LTBP4: variants seen among roughly 807,000 people sequenced by gnomAD.
The protein encoded by LTBP4 is latent transforming growth factor beta binding protein 4, also known as latent-transforming growth factor beta-binding protein 4.
LTBP4 carries 93 observed loss-of-function variants against 180.2 expected under a neutral mutation model. The ratio of observed to expected loss-of-function variants is 0.52; its 90% CI spans 0.44 to 0.61. The LOEUF (loss-of-function observed/expected upper bound fraction) is 0.61. LTBP4 is among the 20% of genes least tolerant of loss of function. LTBP4 has a pLI of 0.00. For missense variants in LTBP4, 2,116 were observed against 2,256.5 expected (o/e 0.94, Z 1.26); for synonymous variants, 947 against 934.5 (o/e 1.01, Z -0.24).
upstream of LTBP4, among the ~76,000 whole-genome samples, chr19:40,597,908 G>C (rs1486931492): frequency 6.6e-6 from 1 of 151,842 alleles, no homozygotes; most frequent in Admixed American, 6.6e-5. Flanking sequence ...GGAGGGGCTT[G>C]TGGGGAGTGG....
At chr19:40,595,511 C>G in intron 1 of LTBP4, among the ~76,000 whole-genome samples, 1 of 151,980 alleles carries the variant, frequency 6.6e-6, no homozygotes, top group Non-Finnish European at 1.5e-5. Flanking sequence ...TATTGCCATC[C>G]CCAGAGGGTA....
chr19:40,613,105 C>T lies in LTBP4; in HGVS notation c.2340C>T (p.Pro780=), dbSNP rs543981793. The T allele has an allele frequency of 1.2e-6, 2 of 1,609,164 alleles. No individual in the cohort carries two copies. Among genetic ancestry groups the T allele is most frequent in the Non-Finnish European group, 1.7e-6 (2 of 1,177,922 alleles). ...GTTCGGGTGCCCCTCCCTGTGGTCC[C>T]CACGGCCACTGCACTAACACCGAAG... The part of the protein sequence containing the change: ...ECSSGAPPCG[P]HGHCTNTEGS... The change falls in exon 16 of 30, where the codon CCC becomes CCT. Residue 780 remains proline, a synonymous_variant. Coordinates refer to ENST00000396819, the MANE Select transcript of LTBP4 (RefSeq NM_001042545.2). This position sits in a 1 kb window ranked among gnomAD's most constrained non-coding sequence, Gnocchi z 5.0.
At chr19:40,624,389 T>G (rs1201285291) in intron 26 of LTBP4, among the ~76,000 whole-genome samples, 1 of 152,226 alleles carries the variant, frequency 6.6e-6, no homozygotes, top group Admixed American at 6.5e-5. Flanking sequence ...GAATTTTATT[T>G]AATTTTATTT....
At chr19:40,612,332 TGACCTG>T (rs1433112270) in intron 15 of LTBP4, 140 bp downstream of exon 15, 3 of 1,169,706 alleles carry the variant, frequency 2.6e-6, no homozygotes, top group African/African-American at 3.1e-5. Context: ...CTCCTGACCC[TGACCTG>T]GACCACAACT....
At position 40,611,210 on chromosome 19, in the gene LTBP4, G is replaced by T; in HGVS notation, c.1869G>T (p.Leu623=). ...GTGGCCGAGGGGCCTGCAAGAACCTGCCTGGCTCTTTCCGCTGTGTTTGCC... is the reference window on the plus strand; with the variant it reads ...GTGGCCGAGGGGCCTGCAAGAACCTTCCTGGCTCTTTCCGCTGTGTTTGCC... ...GLCGRGACKN[L]PGSFRCVCPA... is the part of the protein sequence containing the mutation. The change falls in exon 13 of 30, where the codon CTG becomes CTT. Residue 623 remains leucine, a synonymous_variant. Coordinates refer to ENST00000396819, the MANE Select transcript of LTBP4 (RefSeq NM_001042545.2). The surrounding 1 kb of genome is among the most constrained non-coding windows in gnomAD (Gnocchi z 4.4). 2 of 1,613,866 alleles carry T rather than the reference G, an allele frequency of 1.2e-6. No homozygotes were observed. Among genetic ancestry groups the T allele is most frequent in the Non-Finnish European group, 1.7e-6 (2 of 1,179,848 alleles).
rs1416974251 is a variant in LTBP4, at chr19:40,605,099, C to G, written c.315C>G (p.Pro105=). The G allele has an allele frequency of 6.2e-7, 1 of 1,613,922 alleles. No homozygotes were observed. The highest frequency in any genetic ancestry group is 8.5e-7 in the Non-Finnish European group (1 of 1,179,868). The change falls in exon 2 of 30, where the codon CCC becomes CCG. Residue 105 remains proline (P), a synonymous_variant. Coordinates refer to ENST00000396819, the MANE Select transcript of LTBP4 (RefSeq NM_001042545.2). The surrounding 1 kb of genome is among the most constrained non-coding windows in gnomAD (Gnocchi z 5.5). ...VCVKPDRCLC[P]PDFAGKFCQL... is the part of the protein sequence containing the mutation. ...TGAAGCCTGACCGCTGCCTCTGTCC[C>G]CCGGACTTCGCTGGCAAGTTCTGCC...
chr19:40,624,184 C>G, intron 26 of LTBP4, 102 bp downstream of exon 26: 1 of 1,344,464 alleles, frequency 7.4e-7, no homozygotes, highest in South Asian at 1.5e-5. Context: ...GAAGGCCACG[C>G]CCCATGCTCC....
upstream of LTBP4, chr19:40,599,811 C>T (rs530602119): frequency 6.1e-5 from 35 of 573,830 alleles, 1 homozygote; most frequent in South Asian, 6.8e-4. Flanking sequence ...CTCTCTTTCT[C>T]CCTGTGTCTC....
rs10402565 is a variant in LTBP4, at chr19:40,616,162, C to A, written c.2813-727C>A. ...TTATCAACTATGCTAGGTGTGGTGGCACAAGCTTGTAATCCCAGCTACTCA... is the reference window on the plus strand; with the variant it reads ...TTATCAACTATGCTAGGTGTGGTGGAACAAGCTTGTAATCCCAGCTACTCA... On this transcript the variant is annotated intron_variant, in intron 19 of 29. Transcript: ENST00000396819. Among the ~76,000 whole-genome samples the A allele has an allele frequency of 4.0e-3, 604 of 152,062 alleles. 3 individuals are homozygous for A. The highest frequency in any genetic ancestry group is 0.014 in the African/African-American group (578 of 41,456).
At chr19:40,606,940 A>G (rs1156624893) in intron 6 of LTBP4, among the ~76,000 whole-genome samples, 2 of 152,136 alleles carry the variant, frequency 1.3e-5, no homozygotes, top group African/African-American at 4.8e-5. Flanking sequence ...TGGTAGAGAC[A>G]GGGTTTCGCC....
chr19:40,629,575 C>T lies in LTBP4; in HGVS notation c.*25C>T, dbSNP rs1284761820. On this transcript the variant is annotated 3_prime_UTR_variant, in exon 30 of 30. Transcript: ENST00000396819. This position sits in a 1 kb window ranked among gnomAD's most constrained non-coding sequence, Gnocchi z 4.5. Reference sequence around the variant, plus strand: ...AGCCCTGGCACCCGCTGGCCGCCCACCCGCGCCCGCCACTCGGGGCCCCTG... The same window carrying T: ...AGCCCTGGCACCCGCTGGCCGCCCATCCGCGCCCGCCACTCGGGGCCCCTG... The T allele has an allele frequency of 1.2e-5, 16 of 1,353,656 alleles. No individual in the cohort carries two copies. Among genetic ancestry groups the T allele is most frequent in the East Asian group, 3.1e-5 (1 of 32,016 alleles). 83.9% of individuals were successfully genotyped at this position (1,353,656 alleles called of 1,614,324 possible).
At position 40,609,834 on chromosome 19, in the gene LTBP4, G is replaced by C. The variant is rs754848063; in HGVS notation, c.1647G>C (p.Pro549=). The C allele has an allele frequency of 4.4e-6, 7 of 1,598,200 alleles. No individual in the cohort carries two copies. The Admixed American group carries it at 6.8e-5, about 16-fold the overall frequency. ...GCAGCTTCCGCTGCGTGTGCGGCCC[G>C]GGCTTCCGAGCCGGCCCACGGGCTG... The part of the protein sequence containing the change: ...SPGSFRCVCG[P]GFRAGPRAAE... The change falls in exon 11 of 30, where the codon CCG becomes CCC. Residue 549 remains proline, a synonymous_variant. Transcript: ENST00000396819. The surrounding 1 kb of genome is among the most constrained non-coding windows in gnomAD (Gnocchi z 4.9).
rs187991012 is a variant in LTBP4, at chr19:40,604,844, A to G, written c.251-191A>G. Reference sequence around the variant, plus strand: ...CAATAGAGCGAGATCCTGCCGACTTAGTGGGTGGGACCGTACCTCTGATGG... The same window carrying G: ...CAATAGAGCGAGATCCTGCCGACTTGGTGGGTGGGACCGTACCTCTGATGG... On this transcript the variant is annotated intron_variant, in intron 1 of 29. Transcript: ENST00000396819. Among the ~76,000 whole-genome samples, 390 of 152,288 alleles carry G rather than the reference A, an allele frequency of 2.6e-3. 1 individual carries two copies. Among genetic ancestry groups the G allele is most frequent in the Non-Finnish European group, 4.8e-3 (327 of 68,008 alleles).
upstream of LTBP4, among the ~76,000 whole-genome samples, chr19:40,596,815 C>G (rs111905623): frequency 6.6e-6 from 1 of 152,022 alleles, no homozygotes; most frequent in Non-Finnish European, 1.5e-5. Context: ...ACCGAATTCT[C>G]CCAGAACTGG....
Position 40,613,315 on chromosome 19 carries a change from A to C in LTBP4, c.2432-89A>C, listed in dbSNP as rs569910924. 7.1e-6 allele frequency: 11 copies of C among 1,549,458 alleles called. No individual in the cohort carries two copies. The highest frequency in any genetic ancestry group is 3.9e-5 in the Admixed American group (2 of 51,648). ...TGTGGGAGGAGCTTAGAAACCTGGC[A>C]TTGGTGGGGGCGGGGTTACTGCGAT... On this transcript the variant is annotated intron_variant, in intron 16 of 29. Transcript: ENST00000396819. This position sits in a 1 kb window ranked among gnomAD's most constrained non-coding sequence, Gnocchi z 5.0.
intron 18 of LTBP4, 56 bp from the exon 19 acceptor site, chr19:40,614,259 A>G (rs2081530786): frequency 1.9e-6 from 3 of 1,567,982 alleles, no homozygotes. Context: ...CCCTCTTTGT[A>G]TCCCCCATCT....
chr19:40,611,965 T>A lies in LTBP4; in HGVS notation c.2160T>A (p.Thr720=), dbSNP rs578204135. The A allele has an allele frequency of 1.2e-5, 19 of 1,611,830 alleles. No individual in the cohort carries two copies. The East Asian group carries it at 4.2e-4, about 36-fold the overall frequency. The part of the protein sequence containing the change: ...CVCPMGFQPN[T]AGSECEDVDE... ...GCCCCATGGGCTTCCAACCCAACACTGCTGGCTCCGAGTGCGAGGGTGAGG... is the reference window on the plus strand; with the variant it reads ...GCCCCATGGGCTTCCAACCCAACACAGCTGGCTCCGAGTGCGAGGGTGAGG... The change falls in exon 14 of 30, where the codon ACT becomes ACA. Residue 720 remains threonine (T), a synonymous_variant. Transcript: ENST00000396819. This position sits in a 1 kb window ranked among gnomAD's most constrained non-coding sequence, Gnocchi z 4.4.
chr19:40,620,784 A>C (rs2146041714), intron 22 of LTBP4, among the ~76,000 whole-genome samples: 1 of 151,924 alleles, frequency 6.6e-6, no homozygotes, highest in East Asian at 1.9e-4. Flanking sequence ...AAAAAAAAAA[A>C]AAAAGCTATG....
At chr19:40,625,594 A>G (rs2146050162) in intron 26 of LTBP4, among the ~76,000 whole-genome samples, 2 of 152,228 alleles carry the variant, frequency 1.3e-5, no homozygotes, top group South Asian at 4.1e-4. Context: ...TCCAGAGGCC[A>G]GACTTGGGTA....
Sources: gnomAD v4.1 joint callset for allele counts (sites outside exome capture counted in the v4.1 genomes callset) on GRCh38, gnomAD v4.1.1 for gene constraint, Gnocchi (gnomAD v3.1) non-coding constraint, MANE v1.5 for transcripts, NCBI Gene and HGNC (gene_info 2026-07-23, HGNC 2026-07-21) for gene names.